The following FMN1 variants were observed in gnomAD, a reference collection of about 807,000 sequenced individuals.
FMN1 encodes formin 1.
A neutral mutation model predicts 132.4 loss-of-function variants in FMN1; 110 were observed. That is an observed-to-expected ratio of 0.83 (90% confidence interval 0.71 to 0.97). The LOEUF (loss-of-function observed/expected upper bound fraction) is 0.97, where lower values mean the gene tolerates loss of function less well. Among genes scored for constraint, FMN1 ranks in the 50% least tolerant of loss-of-function variants. The probability of loss-of-function intolerance (pLI) is 0.00; values close to 1 mark genes in which losing one functional copy is unlikely to be tolerated. For missense variants in FMN1, 1,792 were observed against 1,705.3 expected (o/e 1.05, Z -0.90); for synonymous variants, 722 against 651.7 (o/e 1.11, Z -1.64).
Position 32,987,448 on chromosome 15 carries a change from G to A in FMN1, c.2224-17971C>T, listed in dbSNP as rs149403134. Among the ~76,000 whole-genome samples the A allele has an allele frequency of 5.8e-3, 879 of 152,200 alleles. 4 individuals are homozygous for A. The highest frequency in any genetic ancestry group is 7.4e-3 in the Non-Finnish European group (506 of 68,002). ...TATTTAGATCACTAGGAATTTCAAC[G>A]TTAGACCATCACCTTTCCCCCGACT... On this transcript the variant is annotated intron_variant, in intron 7 of 20. Coordinates refer to ENST00000616417, the MANE Select transcript of FMN1 (RefSeq NM_001277313.2).
rs78653066 is a variant in FMN1, at chr15:33,128,797, G to A, written c.1867+24251C>T. On this transcript the variant is annotated intron_variant, in intron 4 of 20. Coordinates refer to ENST00000616417, the MANE Select transcript of FMN1 (RefSeq NM_001277313.2). ...GGACCCAAACGGTGAGCAGCAGCAA[G>A]ATTTACTGTCACGAGCAAAATAACA... 2.3e-3 allele frequency among the ~76,000 whole-genome samples: 354 copies of A among 152,356 alleles called. 2 individuals carry two copies. The highest frequency in any genetic ancestry group is 7.9e-3 in the African/African-American group (328 of 41,590).
intron 4 of FMN1, among the ~76,000 whole-genome samples, chr15:33,133,447 GC>G (rs1963633799): frequency 6.6e-6 from 1 of 152,160 alleles, no homozygotes; most frequent in Admixed American, 6.5e-5. Context: ...TACGAACAGG[GC>G]CATAGAAACT....
intron 9 of FMN1, among the ~76,000 whole-genome samples, chr15:32,927,576 A>G (rs943535400): frequency 2.6e-5 from 4 of 152,196 alleles, no homozygotes. Context: ...TATTTTTTAT[A>G]ATACTATGTA....
chr15:33,031,323 G>A (rs1212171101), intron 6 of FMN1, among the ~76,000 whole-genome samples: 1 of 152,154 alleles, frequency 6.6e-6, no homozygotes, highest in Non-Finnish European at 1.5e-5. Context: ...CCAGCACTGT[G>A]GAGAGGGTCT....
intron 16 of FMN1, among the ~76,000 whole-genome samples, chr15:32,873,275 G>A (rs972532576): frequency 6.6e-6 from 1 of 152,194 alleles, no homozygotes; most frequent in Non-Finnish European, 1.5e-5. Context: ...TCAATTTTGG[G>A]GGAGTAGGGA....
intron 8 of FMN1, 83 bp downstream of exon 8, chr15:32,968,631 A>T: frequency 6.3e-7 from 1 of 1,581,392 alleles, no homozygotes; most frequent in Non-Finnish European, 8.6e-7. Flanking sequence ...CACTATGGAG[A>T]TATTGACCCG....
rs1491184174 is a variant in FMN1 at position 32,783,784 on chromosome 15, A to AAAAAAAAAAAAAAAAAG, written c.4131-6866_4131-6865insCTTTTTTTTTTTTTTTT. On this transcript the variant is annotated intron_variant, in intron 19 of 20. Coordinates refer to ENST00000616417, the MANE Select transcript of FMN1 (RefSeq NM_001277313.2). ...AAAAAAAAAAAAAAAAAAAAAAAAA[A>AAAAAAAAAAAAAAAAAG]TAGTTGAAGTGGCGTGGCTTTCCAT... 1.9e-5 allele frequency among the ~76,000 whole-genome samples: 2 copies of AAAAAAAAAAAAAAAAAG among 105,820 alleles called. 1 individual carries two copies. Among genetic ancestry groups the AAAAAAAAAAAAAAAAAG allele is most frequent in the East Asian group, 5.7e-4 (2 of 3,484 alleles). 69.4% of individuals were successfully genotyped at this position (105,820 alleles called of 152,430 possible).
At chr15:33,150,951 T>C (rs1485405124) in intron 4 of FMN1, 2 of 1,049,606 alleles carry the variant, frequency 1.9e-6, no homozygotes, top group Non-Finnish European at 2.3e-6. Flanking sequence ...TGAGCCCTCT[T>C]CTGGGTTTAG....
chr15:33,100,666 T>TA (rs2039260111), intron 4 of FMN1, among the ~76,000 whole-genome samples: 1 of 152,216 alleles, frequency 6.6e-6, no homozygotes, highest in African/African-American at 2.4e-5. Flanking sequence ...ATTAAACATA[T>TA]TCATATCCTT....
intron 5 of FMN1, among the ~76,000 whole-genome samples, chr15:33,079,359 T>C (rs2038357201): frequency 1.3e-5 from 2 of 152,254 alleles, no homozygotes; most frequent in African/African-American, 2.4e-5. Context: ...CAGTGGCTCA[T>C]GCCTATAATC....
At chr15:32,946,036 T>C (rs2061503527) in intron 9 of FMN1, among the ~76,000 whole-genome samples, 1 of 152,232 alleles carries the variant, frequency 6.6e-6, no homozygotes, top group Non-Finnish European at 1.5e-5. Flanking sequence ...ACAGGTTCAC[T>C]GAGTTCCTTC....
intron 10 of FMN1, among the ~76,000 whole-genome samples, chr15:32,924,478 C>T (rs980948671): frequency 6.6e-6 from 1 of 152,152 alleles, no homozygotes; most frequent in African/African-American, 2.4e-5. Flanking sequence ...TGCTGAGTAG[C>T]AAAGTCAAAC....
chr15:32,963,159 A>G (rs2030784341), intron 9 of FMN1, among the ~76,000 whole-genome samples: 1 of 150,960 alleles, frequency 6.6e-6, no homozygotes, highest in Non-Finnish European at 1.5e-5. Context: ...AATACTATGC[A>G]GCCATAAAAA....
chr15:32,871,207 T>C (rs919652078), intron 16 of FMN1, among the ~76,000 whole-genome samples: 1 of 152,148 alleles, frequency 6.6e-6, no homozygotes, highest in African/African-American at 2.4e-5. Flanking sequence ...TTGAAAAACA[T>C]TTTTAAAACA....
At chr15:32,799,084 T>C (rs911028821) in intron 18 of FMN1, 131 bp from the exon 19 acceptor site, 4 of 678,870 alleles carry the variant, frequency 5.9e-6, no homozygotes, top group Non-Finnish European at 9.8e-6. Context: ...TGGGGGCTCA[T>C]AGTTACTGAA....
chr15:33,095,522 G>A (rs572133440), intron 4 of FMN1, among the ~76,000 whole-genome samples: 1 of 152,162 alleles, frequency 6.6e-6, no homozygotes, highest in South Asian at 2.1e-4. Context: ...GGCCTCCCAA[G>A]TAGCTGGGAC....
intron 7 of FMN1, among the ~76,000 whole-genome samples, chr15:32,992,659 T>G (rs1160173115): frequency 6.6e-6 from 1 of 152,212 alleles, no homozygotes. Context: ...TTAATTCACT[T>G]TCTTCTAATA....
chr15:33,159,408 A>G (rs17235805), intron 3 of FMN1, among the ~76,000 whole-genome samples: 2,880 of 152,318 alleles, frequency 0.019, 29 homozygotes, highest in Non-Finnish European at 0.03. Context: ...GGAATAATCA[A>G]ACAAATATGT....
In FMN1 at chr15:32,968,641, G is replaced by A. The variant is rs1268460623; in HGVS notation, c.2987+73C>T. 23 of 1,591,280 alleles carry A rather than the reference G, an allele frequency of 1.4e-5. No individual in the cohort carries two copies. In the East Asian group the frequency reaches 1.6e-4, roughly 11 times the overall value. On this transcript the variant is annotated intron_variant, in intron 8 of 20. Coordinates refer to ENST00000616417, the MANE Select transcript of FMN1 (RefSeq NM_001277313.2). Reference sequence around the variant, plus strand: ...TGCTACACTATGGAGATATTGACCCGGTAAGAATAAAATATCACTTGGGCC... The same window carrying A: ...TGCTACACTATGGAGATATTGACCCAGTAAGAATAAAATATCACTTGGGCC...
Sources: allele counts gnomAD v4.1 joint callset (sites outside exome capture counted in the v4.1 genomes callset), GRCh38; gene constraint gnomAD v4.1.1; transcripts MANE v1.5; gene names NCBI Gene and HGNC (gene_info 2026-07-23, HGNC 2026-07-21).